The following ERBB4 variants were observed in gnomAD, a reference collection of about 807,000 sequenced individuals.
ERBB4 encodes erb-b2 receptor tyrosine kinase 4.
ERBB4 carries 42 observed loss-of-function variants against 158.0 expected under a neutral mutation model. That is an observed-to-expected ratio of 0.27 (90% CI 0.21 to 0.34). The LOEUF (loss-of-function observed/expected upper bound fraction) is 0.34. Ranked by LOEUF, ERBB4 falls within the 10% of genes least tolerant of loss-of-function variation. The probability of loss-of-function intolerance (pLI) is 1.00; values close to 1 mark genes in which losing one functional copy is unlikely to be tolerated. For synonymous variants in ERBB4, 583 were observed against 558.7 expected, an observed-to-expected ratio of 1.04 and a Z score of -0.61; for missense variants, 1,333 against 1,624.1, an observed-to-expected ratio of 0.82 and a Z score of 3.08.
intron 2 of ERBB4, among the ~76,000 whole-genome samples, chr2:212,002,433 C>A (rs1470063852): frequency 1.3e-5 from 2 of 152,156 alleles, no homozygotes; most frequent in African/African-American, 4.8e-5. Context: ...GATTATAACT[C>A]TATTCCCAGA....
intron 2 of ERBB4, among the ~76,000 whole-genome samples, chr2:211,974,664 A>G (rs2081552722): frequency 6.6e-6 from 1 of 152,104 alleles, no homozygotes; most frequent in African/African-American, 2.4e-5. Context: ...CTGAGGTGGG[A>G]GCATCTCTGG....
chr2:211,430,368 A>C (rs2063722893), intron 21 of ERBB4, among the ~76,000 whole-genome samples: 1 of 152,136 alleles, frequency 6.6e-6, no homozygotes, highest in Admixed American at 6.5e-5. Context: ...TTAATGAGGA[A>C]ATACAAGACA....
intron 3 of ERBB4, among the ~76,000 whole-genome samples, chr2:211,929,547 ACC>A (rs141336442): frequency 5.3e-5 from 8 of 152,270 alleles, no homozygotes; most frequent in Non-Finnish European, 1.0e-4. Context: ...CATGACACAC[ACC>A]ATGTTTCAGT....
In ERBB4 at chr2:211,783,206, G is replaced by A. The variant is rs370664276; in HGVS notation, c.556+4819C>T. Among the ~76,000 whole-genome samples the A allele has an allele frequency of 5.3e-3, 804 of 152,292 alleles. 10 individuals carry two copies. The highest frequency in any genetic ancestry group is 0.017 in the Middle Eastern group (5 of 294). The stretch of plus-strand genomic sequence containing the variant: ...ATGTATAAGAATGCTTGTGATTTTT[G>A]CACATTGATTTTGTATCCTGAGACT... On this transcript the variant is annotated intron_variant, in intron 4 of 27. Coordinates refer to ENST00000342788, the MANE Select transcript of ERBB4 (RefSeq NM_005235.3).
At chr2:212,282,318 G>T (rs1308984854) in intron 1 of ERBB4, among the ~76,000 whole-genome samples, 1 of 151,872 alleles carries the variant, frequency 6.6e-6, no homozygotes, top group African/African-American at 2.4e-5. Flanking sequence ...ACAGAGCTGG[G>T]AGTAAAACCC....
intron 1 of ERBB4, among the ~76,000 whole-genome samples, chr2:212,465,042 A>AT (rs1474687393): frequency 6.6e-6 from 1 of 152,064 alleles, no homozygotes; most frequent in Non-Finnish European, 1.5e-5. Flanking sequence ...CCTATGTGAG[A>AT]TTTTCCAAGC....
At chr2:211,657,488 AAC>A in intron 16 of ERBB4, 1 of 410,736 alleles carries the variant, frequency 2.4e-6, no homozygotes, top group South Asian at 2.1e-5. Context: ...CAGCCTGGGC[AAC>A]AGAGTGAGAC....
intron 1 of ERBB4, among the ~76,000 whole-genome samples, chr2:212,240,387 C>G (rs1377803469): frequency 1.3e-5 from 2 of 151,954 alleles, no homozygotes; most frequent in African/African-American, 4.8e-5. Flanking sequence ...TGGTTCACGT[C>G]TGTAATCAAA....
chr2:212,009,067 CTAAACAGAAATTTTAGTTA>C (rs1559306822), intron 2 of ERBB4, among the ~76,000 whole-genome samples: 3 of 74,932 alleles, frequency 4.0e-5, no homozygotes, highest in Admixed American at 1.9e-4. Flanking sequence ...ATATGTTTTT[CTAAACAGAAATTTTAGTTA>C]TATGTTTATC....
chr2:211,780,564 C>T (rs1485076486), intron 4 of ERBB4, among the ~76,000 whole-genome samples: 1 of 145,690 alleles, frequency 6.9e-6, no homozygotes, highest in Non-Finnish European at 1.5e-5. Context: ...AAAGCCTCTT[C>T]TTATAAATAG....
At position 211,721,443 on chromosome 2, in the gene ERBB4, C is replaced by CAAAAAAAAAAAAAAAAAAAAAAA. The variant is rs71054136; in HGVS notation, c.883+949_883+950insTTTTTTTTTTTTTTTTTTTTTTT. Among the ~76,000 whole-genome samples the CAAAAAAAAAAAAAAAAAAAAAAA allele has an allele frequency of 4.4e-4, 24 of 54,494 alleles. 5 individuals are homozygous for CAAAAAAAAAAAAAAAAAAAAAAA. The highest frequency in any genetic ancestry group is 0.024 in the Middle Eastern group (1 of 42). The allele number at this position is 54,494 out of a possible 152,430, so 35.8% of individuals were successfully genotyped here. A position where few individuals can be genotyped will look rare whatever the true frequency, so the allele number is the denominator to read the frequency against. On this transcript the variant is annotated intron_variant, in intron 7 of 27. Transcript: ENST00000342788. ...GAAATGTCCCATTGGTTACTCAAAG[C>CAAAAAAAAAAAAAAAAAAAAAAA]AAAAAAAAAAAAAAAAAAAAAATAG... is the stretch of plus-strand genomic sequence containing the variant.
intron 20 of ERBB4, among the ~76,000 whole-genome samples, chr2:211,512,055 G>A (rs2065897470): frequency 6.6e-6 from 1 of 152,102 alleles, no homozygotes; most frequent in South Asian, 2.1e-4. Context: ...ATTGTTTAAA[G>A]ACATTATTTT....
intron 1 of ERBB4, among the ~76,000 whole-genome samples, chr2:212,286,609 T>TTTG: frequency 1.6e-5 from 1 of 60,874 alleles, no homozygotes; most frequent in Non-Finnish European, 4.5e-5. Flanking sequence ...TTTTTTTTTT[T>TTTG]TTTTTTTTTT....
chr2:211,628,855 C>T (rs1330247646), intron 17 of ERBB4, among the ~76,000 whole-genome samples: 8 of 152,032 alleles, frequency 5.3e-5, no homozygotes, highest in South Asian at 2.1e-4. Context: ...TTTTAATGAT[C>T]GCCATTCTAA....
At chr2:211,791,179 C>T (rs958921210) in intron 3 of ERBB4, among the ~76,000 whole-genome samples, 1 of 151,828 alleles carries the variant, frequency 6.6e-6, no homozygotes, top group Admixed American at 6.6e-5. Flanking sequence ...ATGTTTCTGT[C>T]TTGGTTGACT....
chr2:212,178,080 G>T (rs748946314), intron 1 of ERBB4, among the ~76,000 whole-genome samples: 10 of 151,468 alleles, frequency 6.6e-5, no homozygotes, highest in Non-Finnish European at 1.3e-4. Flanking sequence ...TCCAGAGAAG[G>T]GTAAAAAGTG....
intron 1 of ERBB4, among the ~76,000 whole-genome samples, chr2:212,531,450 A>C (rs1006381633): frequency 6.6e-6 from 1 of 152,188 alleles, no homozygotes; most frequent in African/African-American, 2.4e-5. Context: ...GAATAGAACT[A>C]TGTCTTAGTT....
intron 5 of ERBB4, among the ~76,000 whole-genome samples, chr2:211,732,283 T>G (rs946353724): frequency 6.6e-6 from 1 of 152,106 alleles, no homozygotes; most frequent in African/African-American, 2.4e-5. Flanking sequence ...ATTTTGCACT[T>G]TAAGGATTTT....
In ERBB4 at chr2:212,008,484, A is replaced by G. The variant is rs559679080; in HGVS notation, c.235-60868T>C. ...TTGATGAACTCCTAGTAGGTTGTTT[A>G]ATGCACATTTGTTGAATAAATGAAT... is the stretch of plus-strand genomic sequence containing the variant. On this transcript the variant is annotated intron_variant, in intron 2 of 27. Coordinates refer to ENST00000342788, the MANE Select transcript of ERBB4 (RefSeq NM_005235.3). Among the ~76,000 whole-genome samples the G allele has an allele frequency of 1.4e-3, 216 of 152,226 alleles. 1 individual carries two copies. Among genetic ancestry groups the G allele is most frequent in the African/African-American group, 4.9e-3 (203 of 41,564 alleles).
Sources: allele counts gnomAD v4.1 joint callset (sites outside exome capture counted in the v4.1 genomes callset), GRCh38; gene constraint gnomAD v4.1.1; transcripts MANE v1.5; gene names NCBI Gene and HGNC (gene_info 2026-07-23, HGNC 2026-07-21).